Variants in CYTH4 observed in about 807,000 individuals in gnomAD.
CYTH4 encodes the protein cytohesin-4.
Under a neutral mutation model 57.5 loss-of-function variants are expected in CYTH4, and 22 were observed. The observed-to-expected ratio is 0.38, with a 90% confidence interval of 0.27 to 0.55. CYTH4 has a LOEUF of 0.55. Ranked by LOEUF, CYTH4 falls within the 20% of genes least tolerant of loss-of-function variation. CYTH4 has a pLI of 0.74. For missense variants in CYTH4, 420 were observed against 535.6 expected, an observed-to-expected ratio of 0.78 and a Z score of 2.13; for synonymous variants, 186 against 206.5, an observed-to-expected ratio of 0.90 and a Z score of 0.85.
intron 1 of CYTH4, among the ~76,000 whole-genome samples, chr22:37,284,213 G>C (rs1202973858): frequency 1.3e-5 from 2 of 152,178 alleles, no homozygotes. Context: ...GTTCTCCATC[G>C]AGTAGTTGGT....
chr22:37,303,506 A>G lies in CYTH4; in HGVS notation c.696+104A>G, dbSNP rs1929274180. 3 of 1,427,002 alleles carry G rather than the reference A, an allele frequency of 2.1e-6. No individual in the cohort carries two copies. The African/African-American group carries it at 4.3e-5, about 21-fold the overall frequency. The allele number at this position is 1,427,002 out of a possible 1,614,324, so 88.4% of individuals were successfully genotyped here. A position where few individuals can be genotyped will look rare whatever the true frequency, so the allele number is the denominator to read the frequency against. ...GGCTCCTCTGAGATAGACAGCCCCC[A>G]GTGGGGACTCTGCTGATATGGCCCA... is the stretch of plus-strand genomic sequence containing the variant. On this transcript the variant is annotated intron_variant, in intron 8 of 12. Transcript: ENST00000248901.
In CYTH4 at chr22:37,303,331, C is replaced by A. The variant is rs1439979101; in HGVS notation, c.625C>A (p.Pro209Thr). 1 of 1,614,116 alleles carries A rather than the reference C, an allele frequency of 6.2e-7. No homozygotes were observed. The highest frequency in any genetic ancestry group is 8.5e-7 in the Non-Finnish European group (1 of 1,180,052). Residue 209 changes from proline to threonine, a missense_variant, in exon 8 of 13, where the codon CCT becomes ACT. Physicochemically the swap from Pro to Thr is conservative, Grantham distance 38. Transcript: ENST00000248901. ...CAATCCCAACGTCCGGGACAGGCCG[C>A]CTTTTGAGCGCTTTGTGTCCATGAA... ...LHNPNVRDRPPFERFVSMNRG... is the reference protein window; with the variant it reads ...LHNPNVRDRPTFERFVSMNRG...
chr22:37,300,068 A>C (rs895819725), intron 6 of CYTH4: 55 of 717,382 alleles, frequency 7.7e-5, no homozygotes, highest in Non-Finnish European at 1.4e-4. Context: ...CCAACTTCAC[A>C]GGGTTGTGAA....
rs56810112 is a variant in CYTH4, at chr22:37,300,893, C to T, written c.435-14C>T. The T allele has an allele frequency of 6.4e-3, 10,297 of 1,611,870 alleles. 459 individuals are homozygous for T. The African/African-American group carries it at 0.11, about 17-fold the overall frequency. On this transcript the variant is annotated splice_polypyrimidine_tract_variant and intron_variant, in intron 6 of 12. Transcript: ENST00000248901. ...CCACCCACTCCACTGCCCGTGGCCC[C>T]GTTTCTCCCCCAGGCAGTTCCTGTG...
chr22:37,293,364 T>C (rs148043637), intron 2 of CYTH4, among the ~76,000 whole-genome samples: 1,994 of 151,458 alleles, frequency 0.013, 23 homozygotes, highest in Middle Eastern at 0.024. Context: ...GATGGTGTTC[T>C]GCATAGTCAT....
rs550047436 is a variant in CYTH4, at chr22:37,311,810, C to T, written c.958-210C>T. On this transcript the variant is annotated intron_variant, in intron 11 of 12. Transcript: ENST00000248901. The surrounding 1 kb of genome is among the most constrained non-coding windows in gnomAD (Gnocchi z 4.4). ...TCCATTCAGAACCTCAGTGAGCCCA[C>T]ATGTCACGTGGGGACTTTAGGGAGG... The T allele has an allele frequency of 2.5e-3, 1,800 of 706,150 alleles. 6 individuals carry two copies. The highest frequency in any genetic ancestry group is 3.5e-3 in the Non-Finnish European group (1,516 of 433,288). The allele number at this position is 706,150 out of a possible 1,614,324, so 43.7% of individuals were successfully genotyped here.
chr22:37,312,239 G>A, intron 12 of CYTH4, 65 bp downstream of exon 12: 1 of 1,588,394 alleles, frequency 6.3e-7, no homozygotes, highest in Non-Finnish European at 8.6e-7. Flanking sequence ...CTTCTTTTGG[G>A]TCTTGCTTCC....
At chr22:37,290,712 G>A (rs943675966) in intron 1 of CYTH4, among the ~76,000 whole-genome samples, 7 of 152,172 alleles carry the variant, frequency 4.6e-5, no homozygotes, top group Non-Finnish European at 1.0e-4. Context: ...GTTTCACTGT[G>A]TTATCCAGGA....
intron 1 of CYTH4, among the ~76,000 whole-genome samples, chr22:37,287,610 G>A (rs1266680149): frequency 1.3e-5 from 2 of 151,952 alleles, no homozygotes; most frequent in African/African-American, 4.8e-5. Flanking sequence ...TGCCTCCCCG[G>A]CTGTCCCTGC....
At position 37,313,480 on chromosome 22, in the gene CYTH4, C is replaced by T; in HGVS notation, c.1154C>T (p.Thr385Ile). 1 of 1,614,230 alleles carries T rather than the reference C, an allele frequency of 6.2e-7. No homozygotes were observed. The highest frequency in any genetic ancestry group is 8.5e-7 in the Non-Finnish European group (1 of 1,180,034). The change falls in exon 13 of 13, where the codon ACT becomes ATT. Residue 385 changes from threonine to isoleucine, a missense_variant. Coordinates refer to ENST00000248901, the MANE Select transcript of CYTH4 (RefSeq NM_013385.5). ...GTCCCCTTCTACGACCTGGTCTCTA[C>T]TCGGAAGAAGAAGATTGCCAGCAAG... is the stretch of plus-strand genomic sequence containing the variant. ...TRVPFYDLVS[T>I]RKKKIASKQ is the part of the protein sequence containing the mutation.
intron 8 of CYTH4, among the ~76,000 whole-genome samples, chr22:37,307,547 C>T (rs761794626): frequency 6.6e-6 from 1 of 152,214 alleles, no homozygotes; most frequent in Admixed American, 6.5e-5. Context: ...ACTCCCAGCC[C>T]ACCCCTGACT....
intron 8 of CYTH4, among the ~76,000 whole-genome samples, chr22:37,303,757 C>T (rs1049437871): frequency 1.4e-4 from 22 of 152,178 alleles, no homozygotes; most frequent in African/African-American, 5.1e-4. Flanking sequence ...GATTCTTAGA[C>T]GCTCAGCATG....
chr22:37,299,179 G>GC, intron 5 of CYTH4, 47 bp from the exon 6 acceptor site: 1 of 1,502,200 alleles, frequency 6.7e-7, no homozygotes, highest in South Asian at 1.2e-5. Flanking sequence ...GTGGGTGCCA[G>GC]CAAGTATCCA....
chr22:37,308,869 TG>T (rs1929524787), intron 8 of CYTH4, among the ~76,000 whole-genome samples: 2 of 113,834 alleles, frequency 1.8e-5, no homozygotes, highest in African/African-American at 6.3e-5. Flanking sequence ...CGTGCATACA[TG>T]TGCGTGTGTG....
chr22:37,292,565 G>A, intron 1 of CYTH4, 56 bp from the exon 2 acceptor site: 1 of 1,581,792 alleles, frequency 6.3e-7, no homozygotes, highest in East Asian at 2.2e-5. Context: ...CAGAAGTGAG[G>A]GCAAGTGGGT....
chr22:37,309,394 C>A, intron 9 of CYTH4, 71 bp downstream of exon 9: 1 of 1,332,952 alleles, frequency 7.5e-7, no homozygotes, highest in Non-Finnish European at 1.1e-6. Context: ...GTTGCATGCA[C>A]ACTCCTGGAC....
intron 1 of CYTH4, among the ~76,000 whole-genome samples, chr22:37,285,221 C>T (rs376480611): frequency 1.6e-4 from 24 of 152,100 alleles, no homozygotes; most frequent in East Asian, 5.8e-4. Flanking sequence ...GGGGAGGAGC[C>T]GGGGAGATGG....
intron 1 of CYTH4, among the ~76,000 whole-genome samples, chr22:37,290,776 G>A (rs1569105553): frequency 6.6e-6 from 1 of 152,236 alleles, no homozygotes; most frequent in Non-Finnish European, 1.5e-5. Context: ...CCAAAGTGCT[G>A]GGATTAGAGG....
In CYTH4 at chr22:37,313,952, A is replaced by G. The variant is rs887194268; in HGVS notation, c.*441A>G. ...CTCCCTGGCAAGGCTCTTCCTTTTC[A>G]GGGATATCTCTGCCAACCCCTCCCC... On this transcript the variant is annotated 3_prime_UTR_variant, in exon 13 of 13. Transcript: ENST00000248901. 3.3e-5 allele frequency: 8 copies of G among 239,328 alleles called. No individual in the cohort carries two copies. The highest frequency in any genetic ancestry group is 1.8e-4 in the African/African-American group (8 of 44,864). 14.8% of individuals were successfully genotyped at this position (239,328 alleles called of 1,614,324 possible). A position where few individuals can be genotyped will look rare whatever the true frequency, so the allele number is the denominator to read the frequency against.
Sources: allele counts gnomAD v4.1 joint callset (sites outside exome capture counted in the v4.1 genomes callset), GRCh38; gene constraint gnomAD v4.1.1; non-coding constraint Gnocchi (gnomAD v3.1); transcripts MANE v1.5; gene names NCBI Gene and HGNC (gene_info 2026-07-23, HGNC 2026-07-21).